NUCB2: variants seen among roughly 807,000 people sequenced by gnomAD.
NUCB2 encodes nucleobindin-2.
Under a neutral mutation model 57.9 loss-of-function variants are expected in NUCB2, and 48 were observed. The ratio of observed to expected loss-of-function variants is 0.83; its 90% CI spans 0.66 to 1.05. The LOEUF (loss-of-function observed/expected upper bound fraction) is 1.05, where lower values mean the gene tolerates loss of function less well. Among genes scored for constraint, NUCB2 ranks in the 50% least tolerant of loss-of-function variants. NUCB2 has a pLI of 0.00. For missense variants in NUCB2, 442 were observed against 476.2 expected (o/e 0.93, Z 0.67); for synonymous variants, 139 against 152.1 (o/e 0.91, Z 0.64).
downstream of NUCB2, chr11:17,334,263 G>A (rs939942597): frequency 2.0e-5 from 3 of 152,252 alleles, no homozygotes; most frequent in Admixed American, 2.0e-4. Context: ...AACAGATCTA[G>A]GCTGAGCTTC....
At chr11:17,298,131 T>G (rs551231626) in intron 4 of NUCB2, among the ~76,000 whole-genome samples, 1 of 149,760 alleles carries the variant, frequency 6.7e-6, no homozygotes, top group East Asian at 2.0e-4. Flanking sequence ...TTCACACGTG[T>G]AACTTTGGGA....
intron 2 of NUCB2, among the ~76,000 whole-genome samples, chr11:17,348,319 G>GTTTTTTTTTTTTTTTTTTTTTTTTTT (rs55741571): frequency 1.2e-5 from 1 of 84,450 alleles, no homozygotes; most frequent in Non-Finnish European, 2.1e-5. Flanking sequence ...TTGTTTTTGT[G>GTTTTTTTTTTTTTTTTTTTTTTTTTT]TTTTTTTTTT....
intron 2 of NUCB2, among the ~76,000 whole-genome samples, chr11:17,339,303 T>C (rs960708456): frequency 6.6e-6 from 1 of 152,164 alleles, no homozygotes; most frequent in East Asian, 1.9e-4. Context: ...AATTTTCAAA[T>C]GAGTAATGAT....
downstream of NUCB2, among the ~76,000 whole-genome samples, chr11:17,335,019 A>G (rs1016691312): frequency 1.3e-5 from 2 of 152,192 alleles, no homozygotes; most frequent in African/African-American, 2.4e-5. Context: ...TACTTAAATA[A>G]TGGATCCCAA....
At chr11:17,303,934 G>C (rs1947202714) in intron 5 of NUCB2, among the ~76,000 whole-genome samples, 2 of 149,872 alleles carry the variant, frequency 1.3e-5, no homozygotes, top group Admixed American at 1.3e-4. Context: ...CTTTCTCCAT[G>C]TATGCAGAAA....
intron 6 of NUCB2, among the ~76,000 whole-genome samples, chr11:17,310,429 C>T (rs1466272082): frequency 6.6e-6 from 1 of 151,988 alleles, no homozygotes; most frequent in African/African-American, 2.4e-5. Flanking sequence ...CCAAGGTCAG[C>T]AGTTCAAGAC....
downstream of NUCB2, among the ~76,000 whole-genome samples, chr11:17,336,036 G>C (rs1303935488): frequency 6.6e-6 from 1 of 152,114 alleles, no homozygotes; most frequent in Non-Finnish European, 1.5e-5. Context: ...ACGGTGCTTG[G>C]GACCTGAAGT....
intron 2 of NUCB2, among the ~76,000 whole-genome samples, chr11:17,342,302 G>C (rs540892987): frequency 2.6e-5 from 4 of 151,910 alleles, no homozygotes; most frequent in African/African-American, 9.7e-5. Context: ...AGGGTTTTTT[G>C]TGTATCTCTT....
At position 17,295,426 on chromosome 11, in the gene NUCB2, C is replaced by T. The variant is rs1374046994; in HGVS notation, c.103C>T (p.Gln35Ter). ...VPIDIDKTKV[Q>*]NIHPVESAKI... is the part of the protein sequence containing the mutation. Reference sequence around the variant, plus strand: ...TATTGACATAGACAAGACAAAAGTACAAAATATTCACCCTGTGGAAAGTGC... The same window carrying T: ...TATTGACATAGACAAGACAAAAGTATAAAATATTCACCCTGTGGAAAGTGC... The change falls in exon 3 of 14, where the codon CAA becomes TAA. Residue 35 changes from glutamine (Q) to a stop codon, truncating the protein, a stop_gained. Transcript: ENST00000529010. LOFTEE classifies it high-confidence loss of function. 5 of 1,612,478 alleles carry T rather than the reference C, an allele frequency of 3.1e-6. No individual in the cohort carries two copies. The East Asian group carries it at 6.7e-5, about 22-fold the overall frequency.
At chr11:17,311,771 A>C in intron 8 of NUCB2, 101 bp from the exon 9 acceptor site, 2 of 719,388 alleles carry the variant, frequency 2.8e-6, no homozygotes, top group Non-Finnish European at 2.3e-6. Context: ...TTGATGCTTC[A>C]CATCAGTACT....
intron 11 of NUCB2, among the ~76,000 whole-genome samples, chr11:17,323,179 T>A (rs897080929): frequency 2.6e-5 from 4 of 152,170 alleles, no homozygotes. Context: ...GGAAACACTT[T>A]CAGTTTTTCC....
rs761865974 is a variant in NUCB2, at chr11:17,312,127, T to C, written c.912+7T>C. On this transcript the variant is annotated splice_region_variant and intron_variant, in intron 10 of 13. Coordinates refer to ENST00000529010, the MANE Select transcript of NUCB2 (RefSeq NM_005013.4). ...GGAACATGTAATGAATGAGGTATGT[T>C]TTAAAAGTTTAAGATAATATGTTAT... The C allele has an allele frequency of 1.6e-6, 2 of 1,269,248 alleles. No individual in the cohort carries two copies. The highest frequency in any genetic ancestry group is 2.2e-6 in the Non-Finnish European group (2 of 892,214). 78.6% of individuals were successfully genotyped at this position (1,269,248 alleles called of 1,614,324 possible).
rs1292359030 is a variant in NUCB2 at position 17,317,554 on chromosome 11, A to G, written c.1002+2079A>G. The G allele has an allele frequency of 1.4e-5, 6 of 427,608 alleles. 1 individual carries two copies. The highest frequency in any genetic ancestry group is 8.3e-5 in the South Asian group (5 of 60,008). The allele number at this position is 427,608 out of a possible 1,614,324, so 26.5% of individuals were successfully genotyped here. A position where few individuals can be genotyped will look rare whatever the true frequency, so the allele number is the denominator to read the frequency against. ...ATAACAAAAGAAAATCCAAGATGAT[A>G]CATTGAATTCAGTTGTAATGTCTTT... On this transcript the variant is annotated intron_variant, in intron 11 of 13. Coordinates refer to ENST00000529010, the MANE Select transcript of NUCB2 (RefSeq NM_005013.4).
chr11:17,319,878 TCTC>T (rs1031697085), intron 11 of NUCB2, among the ~76,000 whole-genome samples: 2 of 152,132 alleles, frequency 1.3e-5, no homozygotes, highest in East Asian at 1.9e-4. Flanking sequence ...TCCTGATCCT[TCTC>T]CTCCTCCTGC....
At chr11:17,305,072 C>T (rs1004309549) in intron 5 of NUCB2, among the ~76,000 whole-genome samples, 1 of 152,180 alleles carries the variant, frequency 6.6e-6, no homozygotes, top group Non-Finnish European at 1.5e-5. Context: ...GCCTGTAATC[C>T]CAGCACTTGG....
At chr11:17,311,442 G>A (rs1179210782) in intron 8 of NUCB2, among the ~76,000 whole-genome samples, 159 bp downstream of exon 8, 1 of 152,144 alleles carries the variant, frequency 6.6e-6, no homozygotes, top group Non-Finnish European at 1.5e-5. Flanking sequence ...TTGCTCACCT[G>A]CAGTATAAAA....
downstream of NUCB2, chr11:17,332,688 C>A: frequency 6.6e-6 from 1 of 151,386 alleles, no homozygotes; most frequent in Non-Finnish European, 1.5e-5. Flanking sequence ...GCACCAGATG[C>A]ATAATGCAAA....
chr11:17,310,857 T>G lies in NUCB2; in HGVS notation c.516T>G (p.Thr172=). The change falls in exon 7 of 14, where the codon ACT becomes ACG. Residue 172 remains threonine, a synonymous_variant. Transcript: ENST00000529010. ...GTGATCTGGAACACTATGACAAGAC[T>G]CGTCATGAAGAATTTAAAAAATATG... ...ATSDLEHYDK[T]RHEEFKKYEM... is the part of the protein sequence containing the mutation. 6.3e-7 allele frequency: 1 copy of G among 1,589,892 alleles called. No homozygotes were observed. The highest frequency in any genetic ancestry group is 8.5e-7 in the Non-Finnish European group (1 of 1,174,354).
At chr11:17,284,891 C>T (rs1943360251) in intron 2 of NUCB2, among the ~76,000 whole-genome samples, 1 of 152,102 alleles carries the variant, frequency 6.6e-6, no homozygotes, top group Non-Finnish European at 1.5e-5. Flanking sequence ...TAGATTGAAG[C>T]CCTGTGAGGG....
Sources: gnomAD v4.1 joint callset for allele counts (sites outside exome capture counted in the v4.1 genomes callset) on GRCh38, gnomAD v4.1.1 for gene constraint, MANE v1.5 for transcripts, NCBI Gene and HGNC (gene_info 2026-07-23, HGNC 2026-07-21) for gene names.